FBXO34: variants seen among roughly 807,000 people sequenced by gnomAD.
The protein encoded by FBXO34 is F-box protein 34.
Under a neutral mutation model 24.5 loss-of-function variants are expected in FBXO34, and 12 were observed. The observed-to-expected ratio is 0.49, with a 90% CI of 0.31 to 0.79. The LOEUF is 0.79. FBXO34 is among the 30% of genes least tolerant of loss of function. The pLI, the probability that FBXO34 is intolerant of heterozygous loss-of-function variation, is 0.04. For missense variants in FBXO34, 823 were observed against 857.7 expected, an observed-to-expected ratio of 0.96 and a Z score of 0.51; for synonymous variants, 320 against 311.9, an observed-to-expected ratio of 1.03 and a Z score of -0.27.
At chr14:55,393,705 T>C in the FBXO34 span, among the ~76,000 whole-genome samples, 2 of 151,960 alleles carry the variant, frequency 1.3e-5, no homozygotes, top group Admixed American at 6.6e-5. Flanking sequence ...CTACCATGCC[T>C]GGCTAATTTT....
rs4644769 is a variant in FBXO34, at chr14:55,318,951, C to G, written c.-10-31430C>G. Reference sequence around the variant, plus strand: ...TTCATGTTATTGAGTTGGTTAGACTCTCATTGTGCTTAATTTCACACTAGG... The same window carrying G: ...TTCATGTTATTGAGTTGGTTAGACTGTCATTGTGCTTAATTTCACACTAGG... On this transcript the variant is annotated intron_variant, in intron 1 of 1. Transcript: ENST00000313833. Among the ~76,000 whole-genome samples, 815 of 152,154 alleles carry G rather than the reference C, an allele frequency of 5.4e-3. 8 individuals carry two copies. The highest frequency in any genetic ancestry group is 0.019 in the African/African-American group (776 of 41,506).
the FBXO34 span, among the ~76,000 whole-genome samples, chr14:55,430,877 C>T: frequency 2.0e-5 from 3 of 152,286 alleles, no homozygotes; most frequent in East Asian, 1.9e-4. Context: ...TTACATTTCC[C>T]GTAATGTAAA....
chr14:55,442,775 T>A, the FBXO34 span, among the ~76,000 whole-genome samples: 1 of 152,238 alleles, frequency 6.6e-6, no homozygotes, highest in East Asian at 1.9e-4. Flanking sequence ...TTAATTTTGT[T>A]ATTAGACTGT....
At chr14:55,280,036 G>A (rs1047112454) in intron 1 of FBXO34, among the ~76,000 whole-genome samples, 11 of 152,168 alleles carry the variant, frequency 7.2e-5, no homozygotes, top group Non-Finnish European at 1.5e-4. Flanking sequence ...GTGGTAGTGT[G>A]TGGATTAGTC....
downstream of FBXO34, among the ~76,000 whole-genome samples, chr14:55,356,380 G>A (rs543460365): frequency 6.6e-6 from 1 of 152,302 alleles, no homozygotes; most frequent in South Asian, 2.1e-4. Flanking sequence ...TGTATGTCGG[G>A]TATGCCTCGT....
chr14:55,282,304 T>G (rs1002740209), intron 1 of FBXO34: 7 of 450,172 alleles, frequency 1.6e-5, no homozygotes, highest in African/African-American at 1.4e-4. Flanking sequence ...AATTTAGCTT[T>G]TTGACTCTGT....
chr14:55,431,004 A>G, the FBXO34 span, among the ~76,000 whole-genome samples: 2 of 152,350 alleles, frequency 1.3e-5, no homozygotes, highest in South Asian at 4.1e-4. Flanking sequence ...GTCTATATAC[A>G]TGTTCATTGT....
chr14:55,304,524 A>G (rs1002555910), intron 1 of FBXO34, among the ~76,000 whole-genome samples: 10 of 151,782 alleles, frequency 6.6e-5, no homozygotes, highest in Admixed American at 5.9e-4. Flanking sequence ...TTTTTGAGAC[A>G]AGGTCTTGCT....
At chr14:55,282,015 T>TTTTTTTTAA (rs368902918) in intron 1 of FBXO34, among the ~76,000 whole-genome samples, 2 of 96,976 alleles carry the variant, frequency 2.1e-5, no homozygotes, top group African/African-American at 7.1e-5. Context: ...TTTTTTTTTT[T>TTTTTTTTAA]GATACAGAGT....
chr14:55,359,171 GGA>G (rs1884560711), intron 3 of FBXO34, among the ~76,000 whole-genome samples: 3 of 152,190 alleles, frequency 2.0e-5, no homozygotes, highest in African/African-American at 4.8e-5. Context: ...TTTCAAGCAG[GGA>G]GAGAGTCACT....
At chr14:55,385,540 G>A in the FBXO34 span, among the ~76,000 whole-genome samples, 1 of 152,146 alleles carries the variant, frequency 6.6e-6, no homozygotes, top group Non-Finnish European at 1.5e-5. Flanking sequence ...TGATTCGCCT[G>A]CCTCGGCCTC....
At chr14:55,389,740 G>A in the FBXO34 span, among the ~76,000 whole-genome samples, 1 of 152,182 alleles carries the variant, frequency 6.6e-6, no homozygotes, top group African/African-American at 2.4e-5. Context: ...TGCTCTTGGA[G>A]TTATTTCTAA....
At chr14:55,350,040 C>T (rs1022463583) in intron 1 of FBXO34, among the ~76,000 whole-genome samples, 4 of 151,358 alleles carry the variant, frequency 2.6e-5, no homozygotes, top group Non-Finnish European at 4.4e-5. Flanking sequence ...TGTACTATGC[C>T]TAATACTTAG....
rs59805801 is a variant in FBXO34 at position 55,275,063 on chromosome 14, T to TC, written c.-11+3530dup. ...TCTTATCTTTGCATAATTTATCTTC[T>TC]CCCCTTTAGTTAATGCTTATGGTAT... On this transcript the variant is annotated intron_variant, in intron 1 of 1. Coordinates refer to ENST00000313833, the MANE Select transcript of FBXO34 (RefSeq NM_017943.4). Among the ~76,000 whole-genome samples the TC allele has an allele frequency of 4.6e-3, 694 of 152,372 alleles. 6 individuals are homozygous for TC. Among genetic ancestry groups the TC allele is most frequent in the African/African-American group, 0.016 (663 of 41,588 alleles).
chr14:55,439,930 CAAAA>C, the FBXO34 span, among the ~76,000 whole-genome samples: 24 of 39,176 alleles, frequency 6.1e-4, no homozygotes, highest in Admixed American at 1.2e-3. Flanking sequence ...GACTCTGTCT[CAAAA>C]AAAAAAAAAA....
Position 55,352,227 on chromosome 14 carries a change from A to C in FBXO34, c.1837A>C (p.Asn613His). ...TTTCAAGTTTATCATTGAGTACTACAATATCAGGCCAGCAGATTCTCGCTG... is the reference window on the plus strand; with the variant it reads ...TTTCAAGTTTATCATTGAGTACTACCATATCAGGCCAGCAGATTCTCGCTG... ...CYFKFIIEYY[N>H]IRPADSRWVR... Residue 613 changes from asparagine (N) to histidine (H), a missense_variant, in exon 2 of 2, where the codon AAT (asparagine) becomes CAT (histidine). Around this residue, in one of 2 missense-constraint regions of FBXO34, gnomAD observed 130 missense variants for 198.6 expected, o/e 0.65. Coordinates refer to ENST00000313833, the MANE Select transcript of FBXO34 (RefSeq NM_017943.4). 1 of 1,614,168 alleles carries C rather than the reference A, an allele frequency of 6.2e-7. No individual in the cohort carries two copies. Among genetic ancestry groups the C allele is most frequent in the Non-Finnish European group, 8.5e-7 (1 of 1,180,028 alleles).
chr14:55,373,613 C>G (rs1191030444), downstream of FBXO34, among the ~76,000 whole-genome samples: 4 of 152,138 alleles, frequency 2.6e-5, no homozygotes, highest in African/African-American at 9.7e-5. Flanking sequence ...GCACCCGCCA[C>G]CACGCCCAGA....
chr14:55,380,468 G>A, the FBXO34 span: 1 of 728,722 alleles, frequency 1.4e-6, no homozygotes, highest in East Asian at 2.6e-5. Flanking sequence ...TCTCTGTCTT[G>A]GTAATACTTA....
At chr14:55,298,730 G>A (rs1882231297) in intron 1 of FBXO34, 1 of 1,571,690 alleles carries the variant, frequency 6.4e-7, no homozygotes, top group African/African-American at 1.3e-5. Context: ...CGGAGGAGAT[G>A]TTAAGCAAGA....
Sources: gnomAD v4.1 joint callset for allele counts (sites outside exome capture counted in the v4.1 genomes callset) on GRCh38, gnomAD v4.1.1 for gene constraint, gnomAD v4.1.1 regional missense constraint, MANE v1.5 for transcripts, NCBI Gene and HGNC (gene_info 2026-07-23, HGNC 2026-07-21) for gene names.